SYNPO: variants seen among roughly 807,000 people sequenced by gnomAD.
SYNPO encodes synaptopodin.
Under a neutral mutation model 49.5 loss-of-function variants are expected in SYNPO, and 19 were observed. That is an observed-to-expected ratio of 0.38 (90% confidence interval 0.27 to 0.56). The LOEUF (loss-of-function observed/expected upper bound fraction) is 0.56, where lower values mean the gene tolerates loss of function less well. SYNPO is among the 20% of genes least tolerant of loss of function. SYNPO has a pLI of 0.68. For synonymous variants in SYNPO, 536 were observed against 548.0 expected (o/e 0.98, Z 0.31); for missense variants, 1,131 against 1,248.3 (o/e 0.91, Z 1.42).
intron 2 of SYNPO, among the ~76,000 whole-genome samples, chr5:150,621,582 C>G (rs947158767): frequency 2.0e-5 from 3 of 152,252 alleles, no homozygotes; most frequent in Non-Finnish European, 4.4e-5. Context: ...CCATTACCGC[C>G]GAAGGATTAT....
chr5:150,656,568 G>C lies in SYNPO; in HGVS notation c.2193G>C (p.Ser731=). 6.6e-7 allele frequency: 1 copy of C among 1,522,520 alleles called. No individual in the cohort carries two copies. Among genetic ancestry groups the C allele is most frequent in the Non-Finnish European group, 8.8e-7 (1 of 1,142,104 alleles). 94.3% of individuals were successfully genotyped at this position (1,522,520 alleles called of 1,614,324 possible). ...PLPPPPPMSP[S]WSERSVSPLR... is the part of the protein sequence containing the mutation. Reference sequence around the variant, plus strand: ...CGCCGCCACCGCCCATGTCTCCCTCGTGGAGCGAGCGCTCGGTGTCCCCGC... The same window carrying C: ...CGCCGCCACCGCCCATGTCTCCCTCCTGGAGCGAGCGCTCGGTGTCCCCGC... The change falls in exon 3 of 3, where the codon TCG becomes TCC. Residue 731 remains serine (S), a synonymous_variant. Transcript: ENST00000307662.
At chr5:150,590,810 T>C in the SYNPO span, among the ~76,000 whole-genome samples, 1 of 152,166 alleles carries the variant, frequency 6.6e-6, no homozygotes, top group Admixed American at 6.5e-5. Context: ...CTGTTATCGT[T>C]GTTGCTGGTA....
rs1199155128 is a variant in SYNPO, at chr5:150,657,419, C to CTCTCTCTCTT, written c.*341_*342insTTCTCTCTCT. ...CGATGCACACACACTCTCTCTTTCTCTCTCTCTCTCTCTCACACACACACA... is the reference window on the plus strand; with the variant it reads ...CGATGCACACACACTCTCTCTTTCTCTCTCTCTCTTTCTCTCTCTCTCTCACACACACACA... On this transcript the variant is annotated 3_prime_UTR_variant, in exon 3 of 3. Coordinates refer to ENST00000307662, the MANE Select transcript of SYNPO (RefSeq NM_007286.6). 1.5e-4 allele frequency: 24 copies of CTCTCTCTCTT among 160,652 alleles called. No individual in the cohort carries two copies. Among genetic ancestry groups the CTCTCTCTCTT allele is most frequent in the Non-Finnish European group, 2.4e-4 (20 of 84,554 alleles). The allele number at this position is 160,652 out of a possible 1,614,324, so 10.0% of individuals were successfully genotyped here.
intron 1 of SYNPO, chr5:150,614,699 G>A (rs559944550): frequency 6.6e-6 from 1 of 152,370 alleles, no homozygotes; most frequent in Admixed American, 6.5e-5. Flanking sequence ...GTGTCCAGAT[G>A]AGGGTCATGA....
chr5:150,613,455 T>C lies in SYNPO; in HGVS notation c.-265-4648T>C, dbSNP rs541634843. Among the ~76,000 whole-genome samples, 10 of 152,294 alleles carry C rather than the reference T, an allele frequency of 6.6e-5. No individual in the cohort carries two copies. The South Asian group carries it at 1.9e-3, about 28-fold the overall frequency. On this transcript the variant is annotated intron_variant, in intron 1 of 2. Transcript: ENST00000394243. ...GCCTTCACTGGGCCTTGATGGATGA[T>C]CTTTACCCCAGGAAACCTTTCCTCA... is the stretch of plus-strand genomic sequence containing the variant.
At chr5:150,622,316 T>C (rs961936087) in intron 2 of SYNPO, among the ~76,000 whole-genome samples, 1 of 152,190 alleles carries the variant, frequency 6.6e-6, no homozygotes, top group Non-Finnish European at 1.5e-5. Flanking sequence ...TTAACCACCC[T>C]CTCTACTGCC....
Position 150,656,737 on chromosome 5 carries a change from G to GCGTCCC in SYNPO, c.2364_2365insTCCCCG (p.Ala788_Pro789insSerPro). 7.8e-7 allele frequency: 1 copy of GCGTCCC among 1,285,220 alleles called. No homozygotes were observed. Among genetic ancestry groups the GCGTCCC allele is most frequent in the Non-Finnish European group, 9.8e-7 (1 of 1,022,280 alleles). The allele number at this position is 1,285,220 out of a possible 1,614,324, so 79.6% of individuals were successfully genotyped here. ...CCCGCGGCCCTTCTCCCCGCCGAGGGCGCCACCGCCCCCGCCCCCGCCCCC... is the reference window on the plus strand; with the variant it reads ...CCCGCGGCCCTTCTCCCCGCCGAGGGCGTCCCCGCCACCGCCCCCGCCCCCGCCCCC... On this transcript the variant is annotated inframe_insertion, in exon 3 of 3. Transcript: ENST00000307662.
At chr5:150,629,348 C>T (rs1326934551) in intron 2 of SYNPO, among the ~76,000 whole-genome samples, 1 of 152,138 alleles carries the variant, frequency 6.6e-6, no homozygotes. Context: ...GCGGAAAATG[C>T]CTGGACTGAG....
At chr5:150,609,123 C>T (rs1004012307) in intron 1 of SYNPO, among the ~76,000 whole-genome samples, 1 of 152,144 alleles carries the variant, frequency 6.6e-6, no homozygotes, top group South Asian at 2.1e-4. Flanking sequence ...TAACTACTCC[C>T]ACCGTGGCCC....
At chr5:150,656,319 C>A in intron 2 of SYNPO, 85 bp from the exon 3 acceptor site, 1 of 1,162,142 alleles carries the variant, frequency 8.6e-7, no homozygotes. Flanking sequence ...GTGTAATGGA[C>A]AAATCGGACT....
At chr5:150,610,390 G>A (rs74851356) in intron 1 of SYNPO, among the ~76,000 whole-genome samples, 5,700 of 152,242 alleles carry the variant, frequency 0.037, 154 homozygotes, top group East Asian at 0.12. Flanking sequence ...CACAGACACC[G>A]GTCAGGTTCC....
At chr5:150,624,999 A>T (rs1325926103) in intron 2 of SYNPO, 1 of 981,404 alleles carries the variant, frequency 1.0e-6, no homozygotes, top group Non-Finnish European at 1.2e-6. Context: ...GCCCAGGAGG[A>T]GGTGGCACAT....
intron 1 of SYNPO, among the ~76,000 whole-genome samples, chr5:150,609,786 C>CGGGGG (rs71589719): frequency 2.8e-4 from 29 of 105,410 alleles, no homozygotes; most frequent in African/African-American, 8.9e-4. Flanking sequence ...GTGAATGTGG[C>CGGGGG]GGGGGGGGGC....
In SYNPO at chr5:150,652,439, G is replaced by C. The variant is rs1424416195; in HGVS notation, c.2028+2136G>C. The C allele has an allele frequency of 4.1e-6, 4 of 978,576 alleles. No homozygotes were observed. In the African/African-American group the frequency reaches 7.0e-5, roughly 17 times the overall value. The allele number at this position is 978,576 out of a possible 1,614,324, so 60.6% of individuals were successfully genotyped here. A position where few individuals can be genotyped will look rare whatever the true frequency, so the allele number is the denominator to read the frequency against. On this transcript the variant is annotated intron_variant, in intron 2 of 2. Transcript: ENST00000307662. ...AGTGGAGTGGGCCTGCTCAATTACTGTGTGTGAAAGTGTGGCTGTGTCCTG... is the reference window on the plus strand; with the variant it reads ...AGTGGAGTGGGCCTGCTCAATTACTCTGTGTGAAAGTGTGGCTGTGTCCTG...
At chr5:150,587,992 C>T in the SYNPO span, among the ~76,000 whole-genome samples, 2 of 152,184 alleles carry the variant, frequency 1.3e-5, no homozygotes, top group Non-Finnish European at 2.9e-5. Context: ...CCTCCCCATA[C>T]CTTTCTCAAA....
the SYNPO span, among the ~76,000 whole-genome samples, chr5:150,595,229 T>C: frequency 6.6e-6 from 1 of 152,198 alleles, no homozygotes; most frequent in Non-Finnish European, 1.5e-5. Context: ...TCTTAGATCG[T>C]AGACATTTAG....
At chr5:150,591,147 T>C in the SYNPO span, among the ~76,000 whole-genome samples, 1 of 152,198 alleles carries the variant, frequency 6.6e-6, no homozygotes, top group Admixed American at 6.5e-5. Context: ...CCCGCAGCCC[T>C]GACTCCCGGA....
upstream of SYNPO, among the ~76,000 whole-genome samples, chr5:150,598,227 T>G (rs1349444867): frequency 6.6e-6 from 1 of 151,974 alleles, no homozygotes; most frequent in Non-Finnish European, 1.5e-5. Context: ...GCAGCAAATG[T>G]TCACGAATGC....
At chr5:150,614,524 G>A (rs1756933083) in intron 1 of SYNPO, 3 of 152,262 alleles carry the variant, frequency 2.0e-5, no homozygotes, top group Admixed American at 2.0e-4. Flanking sequence ...AGAGTCTAAG[G>A]GTCTGGGTAC....
Sources: gnomAD v4.1 joint callset for allele counts (sites outside exome capture counted in the v4.1 genomes callset) on GRCh38, gnomAD v4.1.1 for gene constraint, MANE v1.5 for transcripts, NCBI Gene and HGNC (gene_info 2026-07-23, HGNC 2026-07-21) for gene names.